The following SLC20A2 variants were observed in gnomAD, a reference collection of about 807,000 sequenced individuals.
SLC20A2 encodes the protein solute carrier family 20 member 2.
SLC20A2 carries 30 observed loss-of-function variants against 61.0 expected under a neutral mutation model. The ratio of observed to expected loss-of-function variants is 0.49; its 90% CI spans 0.37 to 0.67. The LOEUF (loss-of-function observed/expected upper bound fraction) is 0.67, where lower values mean the gene tolerates loss of function less well. SLC20A2 is among the 30% of genes least tolerant of loss of function. The pLI is 0.00. For missense variants in SLC20A2, 626 were observed against 866.4 expected (o/e 0.72, Z 3.48); for synonymous variants, 351 against 353.3 (o/e 0.99, Z 0.07).
At chr8:42,475,700 C>G (rs909931212) in intron 1 of SLC20A2, among the ~76,000 whole-genome samples, 4 of 151,872 alleles carry the variant, frequency 2.6e-5, no homozygotes, top group Non-Finnish European at 5.9e-5. Context: ...CGTGAGCCAC[C>G]ACACCAGGGC....
chr8:42,421,783 G>A (rs1006111521), intron 10 of SLC20A2, among the ~76,000 whole-genome samples: 1 of 152,064 alleles, frequency 6.6e-6, no homozygotes, highest in Non-Finnish European at 1.5e-5. Context: ...CTCCAGCCTG[G>A]GTAACGAGTG....
chr8:42,485,063 A>G (rs898813923), intron 1 of SLC20A2: 4 of 207,718 alleles, frequency 1.9e-5, no homozygotes, highest in African/African-American at 9.4e-5. Flanking sequence ...CCCAGCCTCC[A>G]GCCCACCTTT....
chr8:42,437,343 G>A lies in SLC20A2; in HGVS notation c.1169C>T (p.Thr390Ile). 6.2e-7 allele frequency: 1 copy of A among 1,614,204 alleles called. No individual in the cohort carries two copies. The highest frequency in any genetic ancestry group is 8.5e-7 in the Non-Finnish European group (1 of 1,180,020). Reference protein sequence around the residue: ...LRRNNSYTCYTAAICGLPVHA... With the variant: ...LRRNNSYTCYIAAICGLPVHA... ...CACTGGCAGCCCACAAATGGCTGCG[G>A]TGTAGCAGGTGTAACTGTTGTTTCG... The change falls in exon 8 of 11, where the codon ACC becomes ATC. Residue 390 changes from threonine to isoleucine, a missense_variant. Coordinates refer to ENST00000520262, the MANE Select transcript of SLC20A2 (RefSeq NM_001257180.2). This position sits in a 1 kb window ranked among gnomAD's most constrained non-coding sequence, Gnocchi z 6.4.
chr8:42,471,254 C>T (rs892060811), intron 2 of SLC20A2: 21 of 455,850 alleles, frequency 4.6e-5, no homozygotes, highest in Non-Finnish European at 8.4e-5. Flanking sequence ...ACACGCCTGC[C>T]GGGAAGGTTC....
chr8:42,447,504 C>T (rs199559586), intron 5 of SLC20A2, among the ~76,000 whole-genome samples: 1,710 of 151,848 alleles, frequency 0.011, 48 homozygotes, highest in South Asian at 0.1. Context: ...GGTGAAACCC[C>T]GTCTCTACTA....
At chr8:42,500,820 A>C (rs773343926) in intron 1 of SLC20A2, among the ~76,000 whole-genome samples, 3 of 152,190 alleles carry the variant, frequency 2.0e-5, no homozygotes, top group African/African-American at 4.8e-5. Flanking sequence ...AGAATCGAAA[A>C]CTTTTTCTTG....
At chr8:42,433,320 T>TA (rs1563447961) in intron 8 of SLC20A2, among the ~76,000 whole-genome samples, 2 of 150,648 alleles carry the variant, frequency 1.3e-5, no homozygotes, top group Non-Finnish European at 2.9e-5. Context: ...AGTGGAATCA[T>TA]AGAGTATTTA....
intron 1 of SLC20A2, among the ~76,000 whole-genome samples, chr8:42,515,284 G>C (rs1811261685): frequency 1.3e-5 from 2 of 152,278 alleles, no homozygotes; most frequent in Admixed American, 1.3e-4. Context: ...GCATTAAACA[G>C]GGGTGACAGG....
chr8:42,506,024 G>A (rs180715593), upstream of SLC20A2, among the ~76,000 whole-genome samples: 369 of 152,126 alleles, frequency 2.4e-3, 1 homozygote, highest in Non-Finnish European at 4.1e-3. Context: ...TCACTGCAAC[G>A]TCCGCCTCCT....
In SLC20A2 at chr8:42,439,483, T is replaced by G; in HGVS notation, c.901A>C (p.Thr301Pro). Residue 301 changes from threonine (T) to proline (P), a missense_variant, in exon 7 of 11, where the codon ACT becomes CCT. Physicochemically the swap from Thr to Pro is conservative, Grantham distance 38. Coordinates refer to ENST00000520262, the MANE Select transcript of SLC20A2 (RefSeq NM_001257180.2). ...AGETLGTSEG[T>P]SAGSHPRAAY... Reference sequence around the variant, plus strand: ...GCCCGAGGGTGGCTGCCCGCAGAAGTGCCTTCCGAGGTCCCCAGTGTCTCC... The same window carrying G: ...GCCCGAGGGTGGCTGCCCGCAGAAGGGCCTTCCGAGGTCCCCAGTGTCTCC... 6.2e-7 allele frequency: 1 copy of G among 1,613,950 alleles called. No individual in the cohort carries two copies. Among genetic ancestry groups the G allele is most frequent in the Non-Finnish European group, 8.5e-7 (1 of 1,180,030 alleles).
In SLC20A2 at chr8:42,493,253, C is replaced by T. The variant is rs111861893; in HGVS notation, c.-265+7778G>A. Among the ~76,000 whole-genome samples the T allele has an allele frequency of 7.1e-3, 1,086 of 152,272 alleles. 13 individuals carry two copies. Among genetic ancestry groups the T allele is most frequent in the African/African-American group, 0.025 (1,035 of 41,552 alleles). The stretch of plus-strand genomic sequence containing the variant: ...GTGCCACAGGCACCAAAACAGTTAC[C>T]CACAATAACCTTCTGATTCAGGCCA... On this transcript the variant is annotated intron_variant, in intron 1 of 10. Transcript: ENST00000520262.
Position 42,533,654 on chromosome 8 carries a change from C to CTTTTTTTCTTTTTTTTTTT in SLC20A2, c.-265+8166_-265+8167insAAAAAAAAAAAGAAAAAAA, listed in dbSNP as rs1253260874. Reference sequence around the variant, plus strand: ...TTAATGGCCTTAATGATCAACTGTTCTTTTTTTTTTTTTTTTTTTTTTGAG... The same window carrying CTTTTTTTCTTTTTTTTTTT: ...TTAATGGCCTTAATGATCAACTGTTCTTTTTTTCTTTTTTTTTTTTTTTTTTTTTTTTTTTTTTTTTGAG... On this transcript the variant is annotated intron_variant, in intron 1 of 10. Coordinates refer to the SLC20A2 transcript ENST00000342228. Among the ~76,000 whole-genome samples the CTTTTTTTCTTTTTTTTTTT allele has an allele frequency of 6.3e-4, 35 of 55,294 alleles. 5 individuals carry two copies. Among genetic ancestry groups the CTTTTTTTCTTTTTTTTTTT allele is most frequent in the South Asian group, 2.3e-3 (3 of 1,290 alleles). The allele number at this position is 55,294 out of a possible 152,430, so 36.3% of individuals were successfully genotyped here.
At position 42,465,987 on chromosome 8, in the gene SLC20A2, A is replaced by T; in HGVS notation, c.290-70T>A. On this transcript the variant is annotated intron_variant, in intron 2 of 10. Coordinates refer to ENST00000520262, the MANE Select transcript of SLC20A2 (RefSeq NM_001257180.2). The stretch of plus-strand genomic sequence containing the variant: ...GTGCAGACACCAAGGGAAGAAATCC[A>T]AATGTTTTCCATAACAACATCTCCC... 2.2e-6 allele frequency: 3 copies of T among 1,383,864 alleles called. No homozygotes were observed. The South Asian group carries it at 4.3e-5, about 20-fold the overall frequency. 85.7% of individuals were successfully genotyped at this position (1,383,864 alleles called of 1,614,324 possible).
chr8:42,471,205 G>C (rs1290096774), intron 2 of SLC20A2: 4 of 456,014 alleles, frequency 8.8e-6, no homozygotes, highest in African/African-American at 6.0e-5. Context: ...TCTCTACCTA[G>C]AGGCAAGCAG....
intron 1 of SLC20A2, among the ~76,000 whole-genome samples, chr8:42,526,886 T>G (rs1426910815): frequency 1.3e-5 from 2 of 151,886 alleles, no homozygotes. Flanking sequence ...GGTGGATCAC[T>G]TAAGTCCAGG....
chr8:42,516,234 A>G (rs1391807006), intron 1 of SLC20A2, among the ~76,000 whole-genome samples: 1 of 152,218 alleles, frequency 6.6e-6, no homozygotes, highest in Non-Finnish European at 1.5e-5. Flanking sequence ...TTATTTTTCA[A>G]TTCTCAGCAC....
At chr8:42,540,077 A>G (rs1262899396) in intron 1 of SLC20A2, among the ~76,000 whole-genome samples, 2 of 152,224 alleles carry the variant, frequency 1.3e-5, no homozygotes, top group African/African-American at 2.4e-5. Flanking sequence ...GGAACACCTG[A>G]GGTCTGGAGT....
intron 1 of SLC20A2, among the ~76,000 whole-genome samples, chr8:42,534,168 ACTCGGGAG>A (rs1390676010): frequency 6.6e-6 from 1 of 151,902 alleles, no homozygotes; most frequent in Non-Finnish European, 1.5e-5. Context: ...AATCCCAGCT[ACTCGGGAG>A]CCCAAGGCAC....
At chr8:42,480,649 GTTAT>G (rs1808486696) in intron 1 of SLC20A2, 1 of 152,080 alleles carries the variant, frequency 6.6e-6, no homozygotes, top group African/African-American at 2.4e-5. Flanking sequence ...CTATATTCCA[GTTAT>G]TTATTTATTC....
Sources: allele counts gnomAD v4.1 joint callset (sites outside exome capture counted in the v4.1 genomes callset), GRCh38; gene constraint gnomAD v4.1.1; non-coding constraint Gnocchi (gnomAD v3.1); transcripts MANE v1.5; gene names NCBI Gene and HGNC (gene_info 2026-07-23, HGNC 2026-07-21).